DLG2: variants seen among roughly 807,000 people sequenced by gnomAD.
The protein encoded by DLG2 is disks large homolog 2.
A neutral mutation model predicts 132.5 loss-of-function variants in DLG2; 45 were observed. The observed-to-expected ratio is 0.34, with a 90% CI of 0.27 to 0.44. DLG2 has a LOEUF of 0.44. DLG2 is among the 20% of genes least tolerant of loss of function. The pLI, the probability that DLG2 is intolerant of heterozygous loss-of-function variation, is 1.00. For missense variants in DLG2, 1,045 were observed against 1,196.9 expected (o/e 0.87, Z 1.87); for synonymous variants, 424 against 419.6 (o/e 1.01, Z -0.13).
chr11:84,968,060 T>C (rs988148374), intron 6 of DLG2, among the ~76,000 whole-genome samples: 3 of 152,166 alleles, frequency 2.0e-5, no homozygotes, highest in African/African-American at 7.2e-5. Context: ...CAAACATTTA[T>C]ATGAATAGAA....
chr11:83,716,206 GTTTAT>G (rs1294958077), intron 18 of DLG2, among the ~76,000 whole-genome samples: 2 of 152,014 alleles, frequency 1.3e-5, no homozygotes, highest in East Asian at 1.9e-4. Flanking sequence ...TTTCTTTTTG[GTTTAT>G]TTTGATTTTC....
At chr11:85,461,358 T>C (rs1219218414) in intron 3 of DLG2, among the ~76,000 whole-genome samples, 1 of 152,246 alleles carries the variant, frequency 6.6e-6, no homozygotes, top group Non-Finnish European at 1.5e-5. Flanking sequence ...GATATTTCTC[T>C]TCTTTCAGGT....
chr11:85,401,697 A>G (rs1304527677), intron 3 of DLG2, among the ~76,000 whole-genome samples: 3 of 152,166 alleles, frequency 2.0e-5, no homozygotes, highest in Non-Finnish European at 2.9e-5. Context: ...CACTAATAAT[A>G]GACAAACAGA....
chr11:84,067,999 G>C (rs1426195061), intron 10 of DLG2, among the ~76,000 whole-genome samples: 1 of 152,058 alleles, frequency 6.6e-6, no homozygotes, highest in Non-Finnish European at 1.5e-5. Flanking sequence ...TGTCAAGTCT[G>C]GCCAGTCCTG....
At chr11:84,176,102 C>G (rs2095956972) in intron 8 of DLG2, among the ~76,000 whole-genome samples, 1 of 151,656 alleles carries the variant, frequency 6.6e-6, no homozygotes, top group Admixed American at 6.6e-5. Context: ...AAAAAATTTC[C>G]TGCAAGCAAT....
chr11:83,502,635 A>G (rs1272712053), intron 21 of DLG2, among the ~76,000 whole-genome samples: 1 of 152,034 alleles, frequency 6.6e-6, no homozygotes, highest in East Asian at 1.9e-4. Flanking sequence ...CTTCTTCTGT[A>G]GCTTCCCTAA....
chr11:84,433,233 A>G (rs2098990107), intron 7 of DLG2, among the ~76,000 whole-genome samples: 1 of 152,222 alleles, frequency 6.6e-6, no homozygotes, highest in Non-Finnish European at 1.5e-5. Flanking sequence ...TTAAAACAAA[A>G]CAAATGAAAT....
intron 14 of DLG2, among the ~76,000 whole-genome samples, chr11:83,942,191 A>T (rs11233825): frequency 0.076 from 11,631 of 152,258 alleles, 609 homozygotes; most frequent in Non-Finnish European, 0.12. Flanking sequence ...TGATGACATA[A>T]AAAGACAGCC....
chr11:83,828,766 A>G (rs2053621549), intron 17 of DLG2, among the ~76,000 whole-genome samples: 1 of 152,224 alleles, frequency 6.6e-6, no homozygotes, highest in Non-Finnish European at 1.5e-5. Flanking sequence ...GTCTTAAAGC[A>G]GAGTTGATAG....
intron 6 of DLG2, among the ~76,000 whole-genome samples, chr11:84,770,934 G>A (rs889183001): frequency 2.0e-5 from 3 of 151,982 alleles, no homozygotes; most frequent in Non-Finnish European, 4.4e-5. Context: ...TTACAGGCAT[G>A]AGCCACTGCG....
chr11:83,532,482 A>G (rs1331796713), intron 21 of DLG2, among the ~76,000 whole-genome samples: 1 of 152,106 alleles, frequency 6.6e-6, no homozygotes, highest in East Asian at 1.9e-4. Context: ...TCATCAACAC[A>G]CTGCTTCTGC....
intron 17 of DLG2, among the ~76,000 whole-genome samples, chr11:83,824,800 A>G (rs1259120582): frequency 3.3e-5 from 5 of 152,098 alleles, no homozygotes; most frequent in Admixed American, 3.3e-4. Flanking sequence ...GACTTTTGAA[A>G]GCTGCTTACA....
chr11:84,443,732 G>A (rs568306260), intron 7 of DLG2, among the ~76,000 whole-genome samples: 1 of 152,108 alleles, frequency 6.6e-6, no homozygotes, highest in East Asian at 1.9e-4. Context: ...TTTTAAATAG[G>A]GTTATATTTT....
At chr11:85,306,460 G>C (rs1375358877) in intron 3 of DLG2, among the ~76,000 whole-genome samples, 2 of 152,256 alleles carry the variant, frequency 1.3e-5, no homozygotes, top group Non-Finnish European at 2.9e-5. Flanking sequence ...TTGGCTTAGA[G>C]ATTAACTACA....
chr11:84,181,836 C>A (rs761682267), intron 8 of DLG2, among the ~76,000 whole-genome samples: 1 of 152,068 alleles, frequency 6.6e-6, no homozygotes, highest in Admixed American at 6.6e-5. Flanking sequence ...ATGTAACAAC[C>A]CTTAATATGT....
At chr11:83,830,027 G>A (rs143907352) in intron 17 of DLG2, among the ~76,000 whole-genome samples, 2 of 152,186 alleles carry the variant, frequency 1.3e-5, no homozygotes. Flanking sequence ...ATAGTTTGCT[G>A]AGAATGATGG....
At chr11:85,394,287 C>G (rs1356339734) in intron 3 of DLG2, among the ~76,000 whole-genome samples, 1 of 152,158 alleles carries the variant, frequency 6.6e-6, no homozygotes, top group Non-Finnish European at 1.5e-5. Flanking sequence ...ATGTGGTACA[C>G]CATAAATATA....
chr11:85,014,921 T>C (rs987194539), intron 6 of DLG2, among the ~76,000 whole-genome samples: 1 of 152,210 alleles, frequency 6.6e-6, no homozygotes, highest in Non-Finnish European at 1.5e-5. Context: ...CCGAGTCTCC[T>C]ATCGCCACTC....
rs1565510776 is a variant in DLG2 at position 83,503,372 on chromosome 11, TATATATATA to T, written c.2194-19153_2194-19145del. ...ATATATACACACACACACCCATTTA[TATATATATA>T]TATATATATATATATATATATATAT... On this transcript the variant is annotated intron_variant, in intron 21 of 27. Coordinates refer to ENST00000376104, the MANE Select transcript of DLG2 (RefSeq NM_001142699.3). Among the ~76,000 whole-genome samples the T allele has an allele frequency of 9.9e-3, 26 of 2,630 alleles. 1 individual carries two copies. Among genetic ancestry groups the T allele is most frequent in the Admixed American group, 0.023 (7 of 298 alleles). The allele number at this position is 2,630 out of a possible 152,430, so 1.7% of individuals were successfully genotyped here. A position where few individuals can be genotyped will look rare whatever the true frequency, so the allele number is the denominator to read the frequency against.
Sources: allele counts gnomAD v4.1 joint callset (sites outside exome capture counted in the v4.1 genomes callset), GRCh38; gene constraint gnomAD v4.1.1; transcripts MANE v1.5; gene names NCBI Gene and HGNC (gene_info 2026-07-23, HGNC 2026-07-21).